Variants in GABBR2 observed in about 807,000 individuals in gnomAD.
GABBR2 encodes the protein G-protein coupled receptor 51.
GABBR2 carries 23 observed loss-of-function variants against 105.6 expected under a neutral mutation model. The observed-to-expected ratio is 0.22, with a 90% CI of 0.16 to 0.31. The LOEUF (loss-of-function observed/expected upper bound fraction) is 0.31, where lower values mean the gene tolerates loss of function less well. Ranked by LOEUF, GABBR2 falls within the 10% of genes least tolerant of loss-of-function variation. The pLI is 1.00. For synonymous variants in GABBR2, 478 were observed against 499.7 expected (o/e 0.96, Z 0.58); for missense variants, 734 against 1,245.5 (o/e 0.59, Z 6.18).
At chr9:98,496,207 C>T in intron 4 of GABBR2, 1 of 587,170 alleles carries the variant, frequency 1.7e-6, no homozygotes, top group Non-Finnish European at 3.0e-6. Flanking sequence ...TGTGCACCTG[C>T]AGCCAGCACC....
intron 9 of GABBR2, among the ~76,000 whole-genome samples, chr9:98,393,502 C>CCCATCCAT (rs60776601): frequency 1.4e-5 from 2 of 146,012 alleles, no homozygotes; most frequent in African/African-American, 5.5e-5. Context: ...AGCCCACCCA[C>CCCATCCAT]CCATCCATCC....
intron 8 of GABBR2, among the ~76,000 whole-genome samples, chr9:98,402,498 G>A (rs1832411762): frequency 6.6e-6 from 1 of 152,160 alleles, no homozygotes; most frequent in Non-Finnish European, 1.5e-5. Context: ...ACGGCCAAGG[G>A]TGGCTCCCTA....
intron 5 of GABBR2, among the ~76,000 whole-genome samples, chr9:98,480,212 G>A (rs1826886780): frequency 6.6e-6 from 1 of 152,162 alleles, no homozygotes; most frequent in South Asian, 2.1e-4. Flanking sequence ...TGACATGATG[G>A]GGAGGATTGG....
intron 3 of GABBR2, among the ~76,000 whole-genome samples, chr9:98,518,893 G>C (rs16916777): frequency 1.1e-4 from 16 of 152,172 alleles, no homozygotes; most frequent in Non-Finnish European, 2.2e-4. Context: ...TAGGTGAGCC[G>C]ACTGTGTCTT....
chr9:98,631,352 T>C (rs1370779619), intron 1 of GABBR2, among the ~76,000 whole-genome samples: 1 of 152,200 alleles, frequency 6.6e-6, no homozygotes, highest in African/African-American at 2.4e-5. Flanking sequence ...TGTAAAGTGA[T>C]AATAAAACTT....
chr9:98,597,617 G>A (rs1230615865), intron 1 of GABBR2, among the ~76,000 whole-genome samples: 1 of 152,152 alleles, frequency 6.6e-6, no homozygotes, highest in African/African-American at 2.4e-5. Context: ...AATCTTGGTG[G>A]TTGGAGGGCT....
chr9:98,416,332 G>A (rs1053625189), intron 7 of GABBR2, among the ~76,000 whole-genome samples: 20 of 152,182 alleles, frequency 1.3e-4, no homozygotes, highest in African/African-American at 4.8e-4. Flanking sequence ...AACAAGCGAG[G>A]AGGCCACAAA....
At chr9:98,400,935 G>A (rs1340523246) in intron 8 of GABBR2, among the ~76,000 whole-genome samples, 1 of 152,126 alleles carries the variant, frequency 6.6e-6, no homozygotes, top group African/African-American at 2.4e-5. Context: ...ACACAAGAGG[G>A]ACTTTCATGG....
intron 7 of GABBR2, among the ~76,000 whole-genome samples, chr9:98,407,338 G>A (rs752513454): frequency 8.5e-5 from 13 of 152,094 alleles, no homozygotes; most frequent in South Asian, 2.1e-4. Flanking sequence ...AAGGGGGATC[G>A]CTCAGCCTGA....
At chr9:98,655,378 C>CT (rs1830165191) in intron 1 of GABBR2, among the ~76,000 whole-genome samples, 2 of 151,482 alleles carry the variant, frequency 1.3e-5, no homozygotes, top group Non-Finnish European at 2.9e-5. Context: ...TCTAAAATTG[C>CT]TTTAAAAAAA....
chr9:98,466,866 C>T (rs190869421), intron 6 of GABBR2, among the ~76,000 whole-genome samples: 142 of 152,302 alleles, frequency 9.3e-4, no homozygotes, highest in Non-Finnish European at 1.5e-3. Flanking sequence ...GCTATGACAG[C>T]TCCCCAGGGT....
chr9:98,313,258 T>C (rs1236180806), intron 13 of GABBR2, among the ~76,000 whole-genome samples: 1 of 152,208 alleles, frequency 6.6e-6, no homozygotes, highest in Non-Finnish European at 1.5e-5. Flanking sequence ...CTCCCAGCCT[T>C]GCAATCAACC....
At position 98,642,443 on chromosome 9, in the gene GABBR2, T is replaced by C. The variant is rs1255776707; in HGVS notation, c.322-64371A>G. 3.3e-5 allele frequency among the ~76,000 whole-genome samples: 5 copies of C among 152,210 alleles called. No individual in the cohort carries two copies. The East Asian group carries it at 5.8e-4, about 18-fold the overall frequency. ...ATGCCGTCCTAAGAATCTTCTTGCA[T>C]CTCAGCTAGGAATTTATCATGTCCT... is the stretch of plus-strand genomic sequence containing the variant. On this transcript the variant is annotated intron_variant, in intron 1 of 18. Transcript: ENST00000259455.
intron 1 of GABBR2, among the ~76,000 whole-genome samples, chr9:98,662,623 C>G (rs1041504743): frequency 6.6e-6 from 1 of 152,150 alleles, no homozygotes; most frequent in Admixed American, 6.5e-5. Context: ...AATCAGGGCT[C>G]TAATTGGAGA....
At chr9:98,461,267 A>T (rs1163483528) in intron 6 of GABBR2, among the ~76,000 whole-genome samples, 1 of 152,236 alleles carries the variant, frequency 6.6e-6, no homozygotes, top group Non-Finnish European at 1.5e-5. Context: ...CAGTGCCAAG[A>T]AAATCTTAAA....
Position 98,394,165 on chromosome 9 carries a change from C to T in GABBR2, c.1378+10G>A, listed in dbSNP as rs758430045. ...CAGGCCCCCTCCTCTGAGAAGCCCA[C>T]CTGCCTTACCTTGGAACCTGATGGT... On this transcript the variant is annotated intron_variant, in intron 9 of 18. Coordinates refer to ENST00000259455, the MANE Select transcript of GABBR2 (RefSeq NM_005458.8). 8.7e-6 allele frequency: 14 copies of T among 1,606,364 alleles called. 1 individual carries two copies. In the South Asian group the frequency reaches 1.5e-4, roughly 18 times the overall value.
chr9:98,626,149 C>T (rs1204681814), intron 1 of GABBR2, among the ~76,000 whole-genome samples: 3 of 152,126 alleles, frequency 2.0e-5, no homozygotes, highest in Admixed American at 6.6e-5. Context: ...TCGCAAAGGA[C>T]CATATATTGT....
chr9:98,622,718 G>A (rs1829686504), intron 1 of GABBR2, among the ~76,000 whole-genome samples: 1 of 152,172 alleles, frequency 6.6e-6, no homozygotes, highest in Non-Finnish European at 1.5e-5. Flanking sequence ...CTGCCCTGGG[G>A]TGGTACTCTT....
intron 7 of GABBR2, among the ~76,000 whole-genome samples, chr9:98,430,226 A>G (rs1165264941): frequency 1.4e-5 from 2 of 145,590 alleles, no homozygotes; most frequent in Admixed American, 7.1e-5. Context: ...GGAGGTGGAG[A>G]TTGCAGTGAG....
Sources: gnomAD v4.1 joint callset for allele counts (sites outside exome capture counted in the v4.1 genomes callset) on GRCh38, gnomAD v4.1.1 for gene constraint, MANE v1.5 for transcripts, NCBI Gene and HGNC (gene_info 2026-07-23, HGNC 2026-07-21) for gene names.